RHCE: variants seen among roughly 807,000 people sequenced by gnomAD.
RHCE encodes blood group Rh(CE) polypeptide.
In RHCE, 22 loss-of-function variants were observed where a neutral mutation model predicts 43.8. That is an observed-to-expected ratio of 0.50 (90% CI 0.36 to 0.72). RHCE has a LOEUF of 0.72. Ranked by LOEUF, RHCE falls within the 30% of genes least tolerant of loss-of-function variation. The probability of loss-of-function intolerance (pLI) is 0.00; values close to 1 mark genes in which losing one functional copy is unlikely to be tolerated. For missense variants in RHCE, 385 were observed against 525.4 expected (o/e 0.73, Z 2.61); for synonymous variants, 156 against 210.7 (o/e 0.74, Z 2.25).
At chr1:25,413,507 C>T (rs1271331385) in intron 1 of RHCE, among the ~76,000 whole-genome samples, 3 of 152,252 alleles carry the variant, frequency 2.0e-5, no homozygotes, top group Non-Finnish European at 2.9e-5. Flanking sequence ...CCTACCCGGG[C>T]GCCCATGCCT....
Position 25,383,468 on chromosome 1 carries a change from G to A in RHCE, c.1073+2243C>T, listed in dbSNP as rs868411491. 2.6e-5 allele frequency among the ~76,000 whole-genome samples: 4 copies of A among 152,148 alleles called. No homozygotes were observed. The South Asian group carries it at 8.3e-4, about 32-fold the overall frequency. On this transcript the variant is annotated intron_variant, in intron 7 of 9. Coordinates refer to ENST00000294413, the MANE Select transcript of RHCE (RefSeq NM_020485.8). Reference sequence around the variant, plus strand: ...AGCATCAGTCATCATAAAGAACGGGGCTATGTTCTATTGCTAAATCTGCAC... The same window carrying A: ...AGCATCAGTCATCATAAAGAACGGGACTATGTTCTATTGCTAAATCTGCAC...
chr1:25,393,453 T>A (rs1646442367), intron 3 of RHCE, among the ~76,000 whole-genome samples: 1 of 152,038 alleles, frequency 6.6e-6, no homozygotes, highest in African/African-American at 2.4e-5. Context: ...AAACCCTGTC[T>A]CTACTAAAAA....
At position 25,420,719 on chromosome 1, in the gene RHCE, G is replaced by T. The variant is rs1160498669; in HGVS notation, c.68C>A (p.Ala23Asp). 41 of 1,612,916 alleles carry T rather than the reference G, an allele frequency of 2.5e-5. No homozygotes were observed. The highest frequency in any genetic ancestry group is 3.4e-5 in the Non-Finnish European group (40 of 1,179,436). The change falls in exon 1 of 10, where the codon GCT (alanine) becomes GAT (aspartate). Residue 23 changes from alanine to aspartate, a missense_variant. Transcript: ENST00000294413. The stretch of plus-strand genomic sequence containing the variant: ...AAAAAAATAGAAGAGGAGAATGAGA[G>T]CTGCTTCCAGTGTTAGGGCGCAGAG... ...LPLCALTLEAALILLFYFFTH... is the reference protein window; with the variant it reads ...LPLCALTLEADLILLFYFFTH...
chr1:25,407,452 G>C (rs1159662188), intron 2 of RHCE, among the ~76,000 whole-genome samples: 1 of 122,872 alleles, frequency 8.1e-6, no homozygotes, highest in African/African-American at 2.5e-5. Context: ...CTACCTGGAA[G>C]AGTTAAACAA....
chr1:25,407,736 T>C (rs1406028390), intron 2 of RHCE, among the ~76,000 whole-genome samples: 2 of 123,874 alleles, frequency 1.6e-5, no homozygotes, highest in African/African-American at 5.0e-5. Context: ...TATAGCTTGA[T>C]GTGTAATCAT....
chr1:25,420,594 C>T (rs1571932376), intron 1 of RHCE, 45 bp downstream of exon 1: 1 of 1,613,914 alleles, frequency 6.2e-7, no homozygotes, highest in Non-Finnish European at 8.5e-7. Context: ...CCCGCCCCTG[C>T]CCCTGCTATT....
At chr1:25,372,400 T>C (rs1308926498) in intron 8 of RHCE, among the ~76,000 whole-genome samples, 1 of 151,276 alleles carries the variant, frequency 6.6e-6, no homozygotes. Context: ...ATGCCTGTAA[T>C]CCCAGCTACT....
chr1:25,390,891 C>T lies in RHCE; in HGVS notation c.659G>A (p.Trp220Ter), dbSNP rs1256174405. The T allele has an allele frequency of 1.2e-6, 2 of 1,614,070 alleles. No individual in the cohort carries two copies. Among genetic ancestry groups the T allele is most frequent in the Non-Finnish European group, 1.7e-6 (2 of 1,180,044 alleles). ...MLGALFLWMF[W>*]PSVNSALLRS... ...CAGCAGAGCAGAGTTGACACTTGGC[C>T]AGAACATCCACAAGAAGAGGGCGCC... Residue 220 changes from tryptophan (W) to a stop codon, truncating the protein, a stop_gained, in exon 5 of 10, where the codon TGG (tryptophan) becomes TAG (stop). Coordinates refer to ENST00000294413, the MANE Select transcript of RHCE (RefSeq NM_020485.8). LOFTEE classifies it high-confidence loss of function.
chr1:25,385,686 A>G (rs199862365), intron 7 of RHCE, 25 bp downstream of exon 7: 3 of 1,613,758 alleles, frequency 1.9e-6, no homozygotes, highest in Non-Finnish European at 2.5e-6. Context: ...TGTTAAGGGG[A>G]TGGGGGGTAA....
intron 9 of RHCE, among the ~76,000 whole-genome samples, chr1:25,369,968 G>GCCTC (rs1645557859): frequency 6.6e-6 from 1 of 151,234 alleles, no homozygotes. Flanking sequence ...CGAACTCCTG[G>GCCTC]CCTCAGGTGA....
chr1:25,367,996 C>T (rs1178569647), intron 9 of RHCE, among the ~76,000 whole-genome samples: 63 of 146,404 alleles, frequency 4.3e-4, no homozygotes, highest in African/African-American at 1.1e-3. Context: ...TTACAGAAAA[C>T]GCAAACCTTA....
At position 25,404,484 on chromosome 1, in the gene RHCE, G is replaced by T. The variant is rs1646854355; in HGVS notation, c.336-1738C>A. On this transcript the variant is annotated intron_variant, in intron 2 of 9. Coordinates refer to ENST00000294413, the MANE Select transcript of RHCE (RefSeq NM_020485.8). ...AGGGACCAGGAATTTAGAATAAGGGGTTATTCAATGTTCCATCGTGCCTGG... is the reference window on the plus strand; with the variant it reads ...AGGGACCAGGAATTTAGAATAAGGGTTTATTCAATGTTCCATCGTGCCTGG... Among the ~76,000 whole-genome samples, 5 of 150,776 alleles carry T rather than the reference G, an allele frequency of 3.3e-5. No homozygotes were observed. In the South Asian group the frequency reaches 1.0e-3, roughly 32 times the overall value.
At chr1:25,396,632 A>G (rs951038384) in intron 3 of RHCE, among the ~76,000 whole-genome samples, 2 of 152,018 alleles carry the variant, frequency 1.3e-5, no homozygotes, top group African/African-American at 4.8e-5. Flanking sequence ...GAGAGAGAGA[A>G]AGAGAGAGAG....
chr1:25,374,621 C>T (rs1229268386), intron 8 of RHCE, among the ~76,000 whole-genome samples: 3 of 131,294 alleles, frequency 2.3e-5, no homozygotes, highest in Non-Finnish European at 4.8e-5. Flanking sequence ...ACTGTTCCCT[C>T]AACACACAAA....
intron 5 of RHCE, 36 bp downstream of exon 5, chr1:25,390,713 G>A (rs1224418164): frequency 6.2e-7 from 1 of 1,613,692 alleles, no homozygotes; most frequent in African/African-American, 1.3e-5. Flanking sequence ...AGTCCTGTTA[G>A]ACCCAAGTGC....
intron 7 of RHCE, among the ~76,000 whole-genome samples, chr1:25,384,760 A>G (rs952172549): frequency 2.0e-5 from 3 of 152,196 alleles, no homozygotes; most frequent in African/African-American, 7.2e-5. Context: ...CACCTGCTTC[A>G]GCCATTTTTA....
At chr1:25,404,440 C>G (rs1301478628) in intron 2 of RHCE, among the ~76,000 whole-genome samples, 2 of 147,372 alleles carry the variant, frequency 1.4e-5, no homozygotes, top group African/African-American at 2.6e-5. Context: ...AGGGCAAGGG[C>G]ATGGGGAAGG....
Position 25,402,749 on chromosome 1 carries a change from G to A in RHCE, c.336-3C>T, listed in dbSNP as rs539426617. On this transcript the variant is annotated splice_polypyrimidine_tract_variant and splice_region_variant and intron_variant, in intron 2 of 9. Transcript: ENST00000294413. Reference sequence around the variant, plus strand: ...CACTCATGGTGGCCAGCCGAATACTGGGGGTGAGAAGGAGAGCCAGGATGA... The same window carrying A: ...CACTCATGGTGGCCAGCCGAATACTAGGGGTGAGAAGGAGAGCCAGGATGA... 1 of 1,614,140 alleles carries A rather than the reference G, an allele frequency of 6.2e-7. No homozygotes were observed. The highest frequency in any genetic ancestry group is 1.3e-5 in the African/African-American group (1 of 75,028).
At chr1:25,381,411 A>T (rs1645995347) in intron 7 of RHCE, among the ~76,000 whole-genome samples, 1 of 148,264 alleles carries the variant, frequency 6.7e-6, no homozygotes, top group Admixed American at 6.7e-5. Flanking sequence ...TTAAGCCCTC[A>T]CCAGAACTGT....
Sources: gnomAD v4.1 joint callset for allele counts (sites outside exome capture counted in the v4.1 genomes callset) on GRCh38, gnomAD v4.1.1 for gene constraint, MANE v1.5 for transcripts, NCBI Gene and HGNC (gene_info 2026-07-23, HGNC 2026-07-21) for gene names.